Variants in IRGM observed in about 807,000 individuals in gnomAD.
IRGM encodes the protein immunity-related GTPase family M protein.
For synonymous variants in IRGM, 98 were observed against 80.6 expected, an observed-to-expected ratio of 1.22 and a Z score of -1.16; for missense variants, 288 against 219.9, an observed-to-expected ratio of 1.31 and a Z score of -1.96.
intron 3 of IRGM, among the ~76,000 whole-genome samples, chr5:150,888,779 G>A (rs929683276): frequency 6.6e-6 from 1 of 152,002 alleles, no homozygotes; most frequent in African/African-American, 2.4e-5. Context: ...CAGAATCTCT[G>A]AGACACAGCT....
At chr5:150,896,444 T>C (rs780375355) in intron 3 of IRGM, 3 of 1,613,656 alleles carry the variant, frequency 1.9e-6, no homozygotes, top group South Asian at 1.1e-5. Context: ...AGCTTTTCTC[T>C]TTAGTTTCCA....
At chr5:150,879,240 T>C (rs1413830330) in intron 2 of IRGM, among the ~76,000 whole-genome samples, 11 of 152,228 alleles carry the variant, frequency 7.2e-5, no homozygotes, top group Non-Finnish European at 1.0e-4. Context: ...TGCATGCCAG[T>C]GTTTATTTTT....
intron 1 of IRGM, among the ~76,000 whole-genome samples, chr5:150,866,454 G>C (rs545342909): frequency 2.7e-4 from 41 of 152,280 alleles, no homozygotes; most frequent in African/African-American, 9.9e-4. Flanking sequence ...CCCACTGCTT[G>C]ACTTGGAAAC....
At chr5:150,897,691 G>A (rs757829891) in intron 3 of IRGM, 4 of 213,232 alleles carry the variant, frequency 1.9e-5, no homozygotes, top group East Asian at 1.1e-4. Flanking sequence ...TCTCAAATAC[G>A]CTCACATCTC....
chr5:150,864,309 A>T (rs902030288), intron 1 of IRGM, among the ~76,000 whole-genome samples: 1 of 151,742 alleles, frequency 6.6e-6, no homozygotes, highest in Admixed American at 6.6e-5. Context: ...ATTTCTCATG[A>T]TTCATTTCCT....
chr5:150,884,986 T>A (rs1285660467), intron 3 of IRGM, among the ~76,000 whole-genome samples: 2 of 152,184 alleles, frequency 1.3e-5, no homozygotes, highest in African/African-American at 4.8e-5. Context: ...ATTAAATCTT[T>A]GCCCATTCCT....
At chr5:150,891,587 T>C (rs912239640) in intron 3 of IRGM, among the ~76,000 whole-genome samples, 1 of 152,164 alleles carries the variant, frequency 6.6e-6, no homozygotes, top group African/African-American at 2.4e-5. Flanking sequence ...GCATTTGTAC[T>C]ACACATTTTT....
chr5:150,867,062 T>C (rs1262744176), intron 1 of IRGM, among the ~76,000 whole-genome samples: 1 of 152,200 alleles, frequency 6.6e-6, no homozygotes, highest in African/African-American at 2.4e-5. Context: ...AGGTGGTGTT[T>C]GGTTACATGG....
chr5:150,848,365 C>G lies in IRGM; in HGVS notation c.242C>G (p.Ser81Cys). 1.3e-6 allele frequency: 2 copies of G among 1,551,876 alleles called. No homozygotes were observed. The highest frequency in any genetic ancestry group is 1.7e-6 in the Non-Finnish European group (2 of 1,146,994). The change falls in exon 2 of 2, where the codon TCC becomes TGC. Residue 81 changes from serine (S) to cysteine (C), a missense_variant. Ser to Cys is a moderately radical substitution (Grantham distance 112). Transcript: ENST00000522154. ...ATQRCASYFS[S>C]HFSNVVLWDL... ...CAAAGATGTGCCTCCTATTTCTCTT[C>G]CCACTTTTCAAATGTGGTGTTGTGG...
At chr5:150,895,756 A>G in intron 3 of IRGM, 1 of 1,613,648 alleles carries the variant, frequency 6.2e-7, no homozygotes, top group Non-Finnish European at 8.5e-7. Context: ...CATTCACTAC[A>G]TTTATAGGGT....
intron 1 of IRGM, among the ~76,000 whole-genome samples, chr5:150,869,269 G>A (rs1014925017): frequency 6.6e-6 from 1 of 152,054 alleles, no homozygotes; most frequent in Non-Finnish European, 1.5e-5. Flanking sequence ...CTGTTTATGT[G>A]GTGTATCACA....
At position 150,847,987 on chromosome 5, in the gene IRGM, T is replaced by C; in HGVS notation, c.-137T>C. 1.5e-6 allele frequency: 1 copy of C among 668,300 alleles called. No individual in the cohort carries two copies. The highest frequency in any genetic ancestry group is 2.0e-5 in the South Asian group (1 of 50,620). The allele number at this position is 668,300 out of a possible 1,614,324, so 41.4% of individuals were successfully genotyped here. ...CGCAGCTAATTTTTTTGTATTTTAG[T>C]AGAGAAGGTTTCACGATGTTGGCCA... On this transcript the variant is annotated 5_prime_UTR_variant, in exon 2 of 2. Coordinates refer to ENST00000522154, the MANE Select transcript of IRGM (RefSeq NM_001145805.2).
rs1367158911 is a variant in IRGM at position 150,896,890 on chromosome 5, T to C, written c.*141-3699T>C. The C allele has an allele frequency of 6.2e-7, 1 of 1,613,470 alleles. No homozygotes were observed. Among genetic ancestry groups the C allele is most frequent in the African/African-American group, 1.3e-5 (1 of 74,898 alleles). On this transcript the variant is annotated intron_variant and NMD_transcript_variant, in intron 3 of 3. Transcript: ENST00000520549. ...AAAATGGAGCACAATGAACCATCCC[T>C]TGTGACTCCTTTCAGTATCTTATGA...
chr5:150,898,317 A>T, intron 3 of IRGM: 1 of 1,598,240 alleles, frequency 6.3e-7, no homozygotes, highest in Non-Finnish European at 8.6e-7. Flanking sequence ...TTGCAAAGGT[A>T]TGAAGGTCAT....
intron 1 of IRGM, among the ~76,000 whole-genome samples, chr5:150,859,678 T>A (rs1754108698): frequency 6.6e-6 from 1 of 152,192 alleles, no homozygotes; most frequent in Non-Finnish European, 1.5e-5. Context: ...GTCCAGGAAT[T>A]TATCCATTTC....
chr5:150,895,749 T>G (rs762076605), intron 3 of IRGM: 15 of 1,613,532 alleles, frequency 9.3e-6, no homozygotes. Context: ...TTTGCCACAT[T>G]CACTACATTT....
downstream of IRGM, among the ~76,000 whole-genome samples, chr5:150,850,860 A>G (rs1753965275): frequency 6.6e-6 from 1 of 152,210 alleles, no homozygotes; most frequent in Admixed American, 6.5e-5. Flanking sequence ...TCCCAGGCCC[A>G]GGAGGACTGC....
intron 3 of IRGM, chr5:150,895,926 T>C (rs1343872321): frequency 6.2e-7 from 1 of 1,613,318 alleles, no homozygotes. Context: ...TTGAGCACAT[T>C]TGTAGGGTTT....
At chr5:150,848,818 A>C, downstream of IRGM, 1 of 641,840 alleles carries the variant, frequency 1.6e-6, no homozygotes, top group Non-Finnish European at 2.7e-6. Context: ...GTTCTTTGAG[A>C]TCTTTTGAGT....
Sources: allele counts gnomAD v4.1 joint callset (sites outside exome capture counted in the v4.1 genomes callset), GRCh38; gene constraint gnomAD v4.1.1; transcripts MANE v1.5; gene names NCBI Gene and HGNC (gene_info 2026-07-23, HGNC 2026-07-21).